The following LPP variants were observed in gnomAD, a reference collection of about 807,000 sequenced individuals.
LPP encodes the protein LIM domain containing preferred translocation partner in lipoma, also known as lipoma-preferred partner.
Under a neutral mutation model 60.4 loss-of-function variants are expected in LPP, and 38 were observed. That is an observed-to-expected ratio of 0.63 (90% CI 0.49 to 0.83). The LOEUF is 0.83. Among genes scored for constraint, LPP ranks in the 40% least tolerant of loss-of-function variants. The pLI is 0.00. For missense variants in LPP, 902 were observed against 783.6 expected (o/e 1.15, Z -1.80); for synonymous variants, 328 against 290.8 (o/e 1.13, Z -1.30).
chr3:188,751,961 C>G (rs561892635), intron 8 of LPP, among the ~76,000 whole-genome samples: 6 of 152,236 alleles, frequency 3.9e-5, no homozygotes, highest in African/African-American at 1.4e-4. Flanking sequence ...AACCAACTGC[C>G]TCAGAGACAT....
intron 1 of LPP, among the ~76,000 whole-genome samples, chr3:188,156,230 C>G (rs974855849): frequency 3.9e-5 from 6 of 151,956 alleles, no homozygotes; most frequent in Admixed American, 3.3e-4. Flanking sequence ...CAGCATGGGT[C>G]TAGAGTTGGT....
chr3:188,190,195 T>C (rs1727767318), intron 1 of LPP, among the ~76,000 whole-genome samples: 2 of 152,020 alleles, frequency 1.3e-5, no homozygotes, highest in African/African-American at 4.8e-5. Context: ...TAGCTGGGAT[T>C]ATAGGCATGG....
intron 9 of LPP, among the ~76,000 whole-genome samples, chr3:188,810,042 G>A (rs1750434551): frequency 1.3e-5 from 2 of 151,942 alleles, no homozygotes; most frequent in African/African-American, 4.8e-5. Context: ...TGGTCTATCA[G>A]TACTCTTATT....
At chr3:188,387,638 C>T (rs868316522) in intron 3 of LPP, among the ~76,000 whole-genome samples, 1 of 150,670 alleles carries the variant, frequency 6.6e-6, no homozygotes, top group South Asian at 2.1e-4. Flanking sequence ...ATGATCTCAG[C>T]TCACTGCAAC....
chr3:188,845,983 A>T (rs762504098), intron 9 of LPP, among the ~76,000 whole-genome samples: 2 of 152,232 alleles, frequency 1.3e-5, no homozygotes, highest in Non-Finnish European at 2.9e-5. Flanking sequence ...CCAGATAAGG[A>T]TTCACACTAT....
intron 7 of LPP, among the ~76,000 whole-genome samples, chr3:188,631,130 T>C (rs1042046977): frequency 6.6e-6 from 1 of 152,060 alleles, no homozygotes; most frequent in Non-Finnish European, 1.5e-5. Flanking sequence ...GACACACAAC[T>C]TACTGATGTA....
At chr3:188,685,859 T>A (rs11713935) in intron 7 of LPP, among the ~76,000 whole-genome samples, 19,827 of 151,914 alleles carry the variant, frequency 0.13, 1,439 homozygotes, top group Non-Finnish European at 0.17. Flanking sequence ...AAAAAAAAAA[T>A]TACCCATTTA....
Position 188,341,834 on chromosome 3 carries a change from A to T in LPP, c.-10+115A>T, listed in dbSNP as rs1763139370. 4 of 265,952 alleles carry T rather than the reference A, an allele frequency of 1.5e-5. No individual in the cohort carries two copies. The South Asian group carries it at 4.2e-4, about 28-fold the overall frequency. 16.5% of individuals were successfully genotyped at this position (265,952 alleles called of 1,614,324 possible). A position where few individuals can be genotyped will look rare whatever the true frequency, so the allele number is the denominator to read the frequency against. On this transcript the variant is annotated intron_variant, in intron 3 of 11. Coordinates refer to ENST00000617246, the MANE Select transcript of LPP (RefSeq NM_001375462.1). ...AAGAAATACAAAGTACTTTATGAGG[A>T]AAAGAACTGAAAAATGGCCAAGACA...
At chr3:188,155,902 C>T (rs536899233) in intron 1 of LPP, among the ~76,000 whole-genome samples, 1 of 152,030 alleles carries the variant, frequency 6.6e-6, no homozygotes. Context: ...GTAGTCCCAG[C>T]TACTCGGGAG....
At chr3:188,323,096 T>A (rs374120975) in intron 2 of LPP, among the ~76,000 whole-genome samples, 6 of 152,188 alleles carry the variant, frequency 3.9e-5, no homozygotes, top group Admixed American at 6.5e-5. Context: ...CTAAAAGCGC[T>A]TGATGGATTT....
At position 188,888,573 on chromosome 3, in the gene LPP, A is replaced by G. The variant is rs1313612663; in HGVS notation, c.*14094A>G. 5 of 226,090 alleles carry G rather than the reference A, an allele frequency of 2.2e-5. No homozygotes were observed. Among genetic ancestry groups the G allele is most frequent in the Non-Finnish European group, 4.4e-5 (5 of 113,358 alleles). 14.0% of individuals were successfully genotyped at this position (226,090 alleles called of 1,614,324 possible). A position where few individuals can be genotyped will look rare whatever the true frequency, so the allele number is the denominator to read the frequency against. On this transcript the variant is annotated 3_prime_UTR_variant, in exon 12 of 12. Coordinates refer to ENST00000617246, the MANE Select transcript of LPP (RefSeq NM_001375462.1). ...ACATCAGCAAAGTGAGAAGATGAGC[A>G]CTAAATATAGGCTCTATTAACTTTA... is the stretch of plus-strand genomic sequence containing the variant.
At chr3:188,753,581 G>A (rs540659384) in intron 8 of LPP, among the ~76,000 whole-genome samples, 33 of 15,744 alleles carry the variant, frequency 2.1e-3, no homozygotes, top group African/African-American at 5.0e-3. Flanking sequence ...TGTTGTGTGC[G>A]TGTGTGTGTG....
intron 4 of LPP, among the ~76,000 whole-genome samples, chr3:188,417,915 G>C (rs1426161987): frequency 1.3e-5 from 2 of 152,062 alleles, no homozygotes; most frequent in Non-Finnish European, 2.9e-5. Context: ...ATCATTTTTT[G>C]TTTTGTTTTG....
At chr3:188,554,154 A>T (rs978941) in intron 6 of LPP, 128,502 of 150,220 alleles carry the variant, frequency 0.86, 55,164 homozygotes, top group East Asian at 0.93. Flanking sequence ...GCTTTTTTTT[A>T]AAAAAAAGAA....
At chr3:188,165,642 A>G (rs965317961) in intron 1 of LPP, among the ~76,000 whole-genome samples, 6 of 152,196 alleles carry the variant, frequency 3.9e-5, no homozygotes, top group African/African-American at 1.4e-4. Flanking sequence ...GAAAATAATC[A>G]GCTATAGTGT....
chr3:188,251,228 C>G (rs531624907), intron 2 of LPP, among the ~76,000 whole-genome samples: 2 of 151,258 alleles, frequency 1.3e-5, no homozygotes, highest in African/African-American at 4.9e-5. Context: ...CAGATTTGGT[C>G]AGTGGGAGCT....
At chr3:188,727,293 C>T (rs1198070453) in intron 8 of LPP, among the ~76,000 whole-genome samples, 5 of 152,106 alleles carry the variant, frequency 3.3e-5, no homozygotes, top group African/African-American at 1.2e-4. Flanking sequence ...CAGATGTGGG[C>T]TGACACACAG....
intron 3 of LPP, among the ~76,000 whole-genome samples, chr3:188,394,021 TTTTG>T (rs2148716245): frequency 6.6e-6 from 1 of 152,260 alleles, no homozygotes; most frequent in East Asian, 1.9e-4. Flanking sequence ...ATACTTGGGG[TTTTG>T]TTTATGATTT....
intron 2 of LPP, chr3:188,240,294 T>C (rs2149444737): frequency 5.9e-6 from 1 of 168,820 alleles, no homozygotes; most frequent in South Asian, 2.0e-4. Context: ...GCTTACAGCT[T>C]GCCTAACAAG....
Sources: allele counts gnomAD v4.1 joint callset (sites outside exome capture counted in the v4.1 genomes callset), GRCh38; gene constraint gnomAD v4.1.1; transcripts MANE v1.5; gene names NCBI Gene and HGNC (gene_info 2026-07-23, HGNC 2026-07-21).